TRIM7: variants seen among roughly 807,000 people sequenced by gnomAD.
TRIM7 encodes the protein E3 ubiquitin-protein ligase TRIM7.
In TRIM7, 32 loss-of-function variants were observed where a neutral mutation model predicts 37.9. That is an observed-to-expected ratio of 0.84 (90% CI 0.64 to 1.13). The LOEUF (loss-of-function observed/expected upper bound fraction) is 1.13. TRIM7 is among the 50% of genes most tolerant of loss of function. TRIM7 has a pLI of 0.00. For missense variants in TRIM7, 732 were observed against 714.0 expected (o/e 1.03, Z -0.29); for synonymous variants, 351 against 321.3 (o/e 1.09, Z -0.99).
chr5:181,195,168 A>T lies in TRIM7; in HGVS notation c.1534T>A (p.Ter512ArgextTer101). ...CAGGAGCTCCCCAGCAGTGCCCCTC[A>T]AGGCCAGATTCGCAAGTAGGTGCCC... ...STGTYLRIWP* is the reference protein window; with the variant it reads ...STGTYLRIWPR The change falls in exon 7 of 7, where the codon TGA (stop) becomes AGA (arginine). Residue 512 changes from the stop codon to arginine, a stop_lost. Transcript: ENST00000274773. The T allele has an allele frequency of 1.9e-6, 3 of 1,594,812 alleles. No homozygotes were observed. Among genetic ancestry groups the T allele is most frequent in the Non-Finnish European group, 2.6e-6 (3 of 1,168,838 alleles).
chr5:181,195,719 C>A (rs765077155), intron 6 of TRIM7, 42 bp from the exon 7 acceptor site: 3 of 1,506,658 alleles, frequency 2.0e-6, no homozygotes, highest in Non-Finnish European at 2.7e-6. Context: ...CGCAGCCAGG[C>A]CCCTGGCACA....
Position 181,194,968 on chromosome 5 carries a change from A to T in TRIM7, c.*198T>A. 1 of 606,924 alleles carries T rather than the reference A, an allele frequency of 1.6e-6. No individual in the cohort carries two copies. Among genetic ancestry groups the T allele is most frequent in the Non-Finnish European group, 2.8e-6 (1 of 357,432 alleles). 37.6% of individuals were successfully genotyped at this position (606,924 alleles called of 1,614,324 possible). ...GTGACCTCAGGAAGGGAACACCCTC[A>T]GGAGTCCAAAGCCCCTGTTCCCCTG... On this transcript the variant is annotated 3_prime_UTR_variant, in exon 7 of 7. Coordinates refer to ENST00000274773, the MANE Select transcript of TRIM7 (RefSeq NM_203293.3).
At chr5:181,203,852 C>T in intron 1 of TRIM7, 1 of 1,318,256 alleles carries the variant, frequency 7.6e-7, no homozygotes, top group Non-Finnish European at 9.7e-7. Flanking sequence ...GCTGGACCAG[C>T]CAGACTGAAA....
intron 3 of TRIM7, chr5:181,199,591 GGTGA>G (rs1757348418): frequency 3.5e-6 from 2 of 574,088 alleles, no homozygotes; most frequent in Admixed American, 3.6e-5. Flanking sequence ...GTGTAGCAAA[GGTGA>G]GTATTATTTT....
chr5:181,204,519 C>A (rs1024705212), intron 1 of TRIM7, 70 bp downstream of exon 1: 16 of 1,302,392 alleles, frequency 1.2e-5, no homozygotes, highest in African/African-American at 1.6e-5. Context: ...CTCTGCACCC[C>A]GTGCGCGGGA....
At chr5:181,195,854 C>A in intron 6 of TRIM7, 177 bp from the exon 7 acceptor site, 1 of 730,080 alleles carries the variant, frequency 1.4e-6, no homozygotes, top group South Asian at 2.8e-5. Context: ...ATTTTGCTTC[C>A]CCCCGCCCCG....
At chr5:181,197,471 T>C (rs1757198834) in intron 6 of TRIM7, 1 of 152,590 alleles carries the variant, frequency 6.6e-6, no homozygotes, top group Non-Finnish European at 1.5e-5. Context: ...AGCCTGGCAG[T>C]GCAAAGGCCC....
At chr5:181,203,507 G>C in intron 2 of TRIM7, 38 bp downstream of exon 2, 1 of 1,613,036 alleles carries the variant, frequency 6.2e-7, no homozygotes, top group Non-Finnish European at 8.5e-7. Context: ...TCAGGCCTCT[G>C]TAATGTCCCA....
Position 181,205,085 on chromosome 5 carries a change from C to T in TRIM7, c.26G>A (p.Gly9Asp). Reference sequence around the variant, plus strand: ...TAGAGCCTCGGCGCCGGTTCCGGGGCCGGTCCGCGGTCCCACAGCCGCCAT... The same window carrying T: ...TAGAGCCTCGGCGCCGGTTCCGGGGTCGGTCCGCGGTCCCACAGCCGCCAT... Reference protein sequence around the residue: MAAVGPRTGPGTGAEALAL... With the variant: MAAVGPRTDPGTGAEALAL... Residue 9 changes from glycine (G) to aspartate (D), a missense_variant, in exon 1 of 7, where the codon GGC becomes GAC. Transcript: ENST00000274773. 7.4e-7 allele frequency: 1 copy of T among 1,357,726 alleles called. No homozygotes were observed. The highest frequency in any genetic ancestry group is 9.4e-7 in the Non-Finnish European group (1 of 1,058,262). The allele number at this position is 1,357,726 out of a possible 1,614,324, so 84.1% of individuals were successfully genotyped here. A position where few individuals can be genotyped will look rare whatever the true frequency, so the allele number is the denominator to read the frequency against.
chr5:181,204,950 C>A lies in TRIM7; in HGVS notation c.161G>T (p.Gly54Val), dbSNP rs1382086145. The change falls in exon 1 of 7, where the codon GGG becomes GTG. Residue 54 changes from glycine (G) to valine (V), a missense_variant. Coordinates refer to ENST00000274773, the MANE Select transcript of TRIM7 (RefSeq NM_203293.3). Reference sequence around the variant, plus strand: ...CGCGCCCGGGCGCTCCCAGCAGCGCCCTATGCAGGCGCGGCAGAAGCTGTG... The same window carrying A: ...CGCGCCCGGGCGCTCCCAGCAGCGCACTATGCAGGCGCGGCAGAAGCTGTG... ...CGHSFCRACIGRCWERPGAGS... is the reference protein window; with the variant it reads ...CGHSFCRACIVRCWERPGAGS... The A allele has an allele frequency of 6.8e-7, 1 of 1,460,276 alleles. No homozygotes were observed. Among genetic ancestry groups the A allele is most frequent in the South Asian group, 1.3e-5 (1 of 75,132 alleles). 90.5% of individuals were successfully genotyped at this position (1,460,276 alleles called of 1,614,324 possible).
rs1024240702 is a variant in TRIM7, at chr5:181,194,464, G to T, written c.*702C>A. ...CGTTTGTACTTTGGCACTGGAAAGT[G>T]CGGGAGTCAGGGGTTTGTGAGAGCA... On this transcript the variant is annotated 3_prime_UTR_variant, in exon 7 of 7. Transcript: ENST00000274773. The T allele has an allele frequency of 2.8e-5, 4 of 141,072 alleles. No homozygotes were observed. Among genetic ancestry groups the T allele is most frequent in the Non-Finnish European group, 5.9e-5 (4 of 67,884 alleles). The allele number at this position is 141,072 out of a possible 1,614,324, so 8.7% of individuals were successfully genotyped here. A position where few individuals can be genotyped will look rare whatever the true frequency, so the allele number is the denominator to read the frequency against.
At chr5:181,204,023 C>G in intron 1 of TRIM7, 2 of 1,013,356 alleles carry the variant, frequency 2.0e-6, no homozygotes, top group South Asian at 4.4e-5. Flanking sequence ...TGCACACACC[C>G]TCGCTGAGGC....
intron 5 of TRIM7, 40 bp from the exon 6 acceptor site, chr5:181,198,258 C>T (rs369938865): frequency 2.2e-5 from 36 of 1,609,096 alleles, no homozygotes; most frequent in Admixed American, 3.3e-5. Context: ...ATGAGCGACA[C>T]GGGAGATTAT....
At chr5:181,199,654 T>C (rs76516067) in intron 3 of TRIM7, 197 bp downstream of exon 3, 38,957 of 781,524 alleles carry the variant, frequency 0.05, 1,278 homozygotes, top group South Asian at 0.12. Flanking sequence ...ATATATATTA[T>C]TGTGGCTCAT....
At chr5:181,198,249 T>G (rs780763732) in intron 5 of TRIM7, 31 bp from the exon 6 acceptor site, 3 of 1,613,072 alleles carry the variant, frequency 1.9e-6, no homozygotes, top group Non-Finnish European at 2.5e-6. Context: ...AAGGCGTGCA[T>G]GAGCGACACG....
intron 2 of TRIM7, chr5:181,200,831 C>T (rs1757438804): frequency 2.0e-6 from 2 of 985,422 alleles, no homozygotes; most frequent in Non-Finnish European, 2.4e-6. Context: ...TTCCTTAAAA[C>T]TCCTGGGCGG....
chr5:181,197,639 CTG>C (rs1240394262), intron 6 of TRIM7: 1 of 157,762 alleles, frequency 6.3e-6, no homozygotes, highest in African/African-American at 2.4e-5. Context: ...TGGCAGGGCT[CTG>C]AGCAGAGGAG....
chr5:181,197,087 C>A (rs969075122), intron 6 of TRIM7: 1 of 150,316 alleles, frequency 6.7e-6, no homozygotes, highest in East Asian at 2.0e-4. Flanking sequence ...CTTGAGCTTG[C>A]GGGGTGGAGG....
Position 181,195,405 on chromosome 5 carries a change from A to G in TRIM7, c.1297T>C (p.Trp433Arg). ...LTPFTPEEGV[W>R]ALQLNGGQYW... ...TGGCCGCCGTTGAGCTGCAGGGCCCAGACGCCCTCCTCGGGAGTGAAGGGC... is the reference window on the plus strand; with the variant it reads ...TGGCCGCCGTTGAGCTGCAGGGCCCGGACGCCCTCCTCGGGAGTGAAGGGC... The change falls in exon 7 of 7, where the codon TGG becomes CGG. Residue 433 changes from tryptophan to arginine, a missense_variant. Coordinates refer to ENST00000274773, the MANE Select transcript of TRIM7 (RefSeq NM_203293.3). 1 of 1,592,332 alleles carries G rather than the reference A, an allele frequency of 6.3e-7. No individual in the cohort carries two copies.
Sources: gnomAD v4.1 joint callset for allele counts on GRCh38, gnomAD v4.1.1 for gene constraint, MANE v1.5 for transcripts, NCBI Gene and HGNC (gene_info 2026-07-23, HGNC 2026-07-21) for gene names.